RGL1: variants seen among roughly 807,000 people sequenced by gnomAD.
The protein encoded by RGL1 is ral guanine nucleotide dissociation stimulator like 1.
Under a neutral mutation model 95.2 loss-of-function variants are expected in RGL1, and 24 were observed. The ratio of observed to expected loss-of-function variants is 0.25; its 90% confidence interval spans 0.18 to 0.35. The LOEUF (loss-of-function observed/expected upper bound fraction) is 0.35. Among genes scored for constraint, RGL1 ranks in the 10% least tolerant of loss-of-function variants. The pLI, the probability that RGL1 is intolerant of heterozygous loss-of-function variation, is 1.00. For missense variants in RGL1, 715 were observed against 936.3 expected, an observed-to-expected ratio of 0.76 and a Z score of 3.08; for synonymous variants, 329 against 344.9, an observed-to-expected ratio of 0.95 and a Z score of 0.51.
intron 1 of RGL1, among the ~76,000 whole-genome samples, chr1:183,662,135 C>G (rs1651679730): frequency 6.6e-6 from 1 of 151,510 alleles, no homozygotes; most frequent in Non-Finnish European, 1.5e-5. Context: ...GAAGCATTCC[C>G]TTTGAAAACT....
intron 2 of RGL1, among the ~76,000 whole-genome samples, chr1:183,765,510 A>C (rs926956093): frequency 2.0e-5 from 3 of 152,244 alleles, no homozygotes; most frequent in African/African-American, 7.2e-5. Flanking sequence ...AATGTTTCAA[A>C]CAAAAAAGAG....
chr1:183,817,132 TGGAAA>T (rs573480331), intron 2 of RGL1, among the ~76,000 whole-genome samples: 26 of 152,250 alleles, frequency 1.7e-4, no homozygotes, highest in Non-Finnish European at 3.7e-4. Flanking sequence ...GCAGAGGTCC[TGGAAA>T]GTTAACTTTT....
chr1:183,814,289 A>G (rs1661931900), intron 2 of RGL1, among the ~76,000 whole-genome samples: 1 of 152,064 alleles, frequency 6.6e-6, no homozygotes, highest in African/African-American at 2.4e-5. Context: ...ATGTGACTGC[A>G]TATGTTTCCC....
intron 13 of RGL1, 93 bp from the exon 14 acceptor site, chr1:183,906,919 C>A: frequency 2.6e-6 from 2 of 758,310 alleles, no homozygotes; most frequent in Non-Finnish European, 4.7e-6. Flanking sequence ...CAATTAGAGC[C>A]TTCTCTAAAA....
chr1:183,769,727 A>G (rs1485865473), intron 2 of RGL1, among the ~76,000 whole-genome samples: 1 of 152,248 alleles, frequency 6.6e-6, no homozygotes, highest in East Asian at 1.9e-4. Context: ...AGGTAATCTA[A>G]TGAAGGCTGA....
chr1:183,742,372 C>T, intron 2 of RGL1: 1 of 1,525,850 alleles, frequency 6.6e-7, no homozygotes, highest in South Asian at 1.2e-5. Context: ...TAGCCAGCAC[C>T]ACAGGCCAGC....
chr1:183,880,792 A>G lies in RGL1; in HGVS notation c.602A>G (p.Glu201Gly). The change falls in exon 5 of 18, where the codon GAA becomes GGA. Residue 201 changes from glutamate (E) to glycine (G), a missense_variant. Glu to Gly is a moderately conservative substitution (Grantham distance 98). Transcript: ENST00000360851. ...LLEQFQKQEVETDNGLPNTIS... is the reference protein window; with the variant it reads ...LLEQFQKQEVGTDNGLPNTIS... ...GAGCAGTTTCAGAAGCAAGAAGTGG[A>G]AACTGACAGTGAGTACTTGTTTGTT... 1 of 1,613,768 alleles carries G rather than the reference A, an allele frequency of 6.2e-7. No homozygotes were observed. The highest frequency in any genetic ancestry group is 1.3e-5 in the African/African-American group (1 of 75,046).
chr1:183,824,538 A>G (rs747004623), intron 2 of RGL1, among the ~76,000 whole-genome samples: 30 of 152,150 alleles, frequency 2.0e-4, no homozygotes, highest in Non-Finnish European at 4.4e-4. Context: ...TACCCCACCT[A>G]TCAGCAACCA....
At chr1:183,696,498 A>G (rs1173694902) in intron 1 of RGL1, among the ~76,000 whole-genome samples, 1 of 152,316 alleles carries the variant, frequency 6.6e-6, no homozygotes, top group East Asian at 1.9e-4. Context: ...ACATAACCTC[A>G]GTTGACAAAG....
chr1:183,671,045 G>T (rs1247224780), intron 1 of RGL1, among the ~76,000 whole-genome samples: 1 of 152,182 alleles, frequency 6.6e-6, no homozygotes, highest in East Asian at 1.9e-4. Context: ...GGGAAGCAAG[G>T]TACCTTCTTC....
chr1:183,769,970 C>T (rs1659192746), intron 2 of RGL1, among the ~76,000 whole-genome samples: 1 of 152,160 alleles, frequency 6.6e-6, no homozygotes, highest in Non-Finnish European at 1.5e-5. Flanking sequence ...CTCTAGATTG[C>T]AAAGAATATT....
intron 1 of RGL1, among the ~76,000 whole-genome samples, chr1:183,689,915 T>C (rs750217097): frequency 6.6e-6 from 1 of 152,142 alleles, no homozygotes; most frequent in Non-Finnish European, 1.5e-5. Flanking sequence ...CTTTCAGGGG[T>C]TTACCAGTTA....
At chr1:183,710,178 G>A in intron 1 of RGL1, 1 of 231,698 alleles carries the variant, frequency 4.3e-6, no homozygotes, top group Non-Finnish European at 9.0e-6. Context: ...GCTCTCAGCA[G>A]GTGGTCCACT....
chr1:183,886,340 A>G (rs943440540), intron 7 of RGL1, among the ~76,000 whole-genome samples: 2 of 152,194 alleles, frequency 1.3e-5, no homozygotes, highest in African/African-American at 4.8e-5. Context: ...GAGATACAAA[A>G]GAAGTTGTGA....
chr1:183,647,978 A>G, intron 1 of RGL1: 5 of 1,614,234 alleles, frequency 3.1e-6, no homozygotes, highest in African/African-American at 2.7e-5. Context: ...AAAACTGTCC[A>G]GGAAAGGCAT....
intron 2 of RGL1, among the ~76,000 whole-genome samples, chr1:183,834,883 A>T (rs540183365): frequency 1.3e-5 from 2 of 151,574 alleles, no homozygotes; most frequent in Admixed American, 1.3e-4. Flanking sequence ...GGGTCTCACT[A>T]TATTGCCCAG....
At chr1:183,888,638 G>A in intron 8 of RGL1, 61 bp downstream of exon 8, 1 of 987,476 alleles carries the variant, frequency 1.0e-6, no homozygotes, top group Non-Finnish European at 1.6e-6. Context: ...GTTGTGATGA[G>A]TCCTCACCTT....
At chr1:183,755,018 A>C (rs1055346462) in intron 2 of RGL1, 1 of 138,326 alleles carries the variant, frequency 7.2e-6, no homozygotes, top group Admixed American at 7.3e-5. Context: ...TGTTTGTTTT[A>C]GTTATTTGTA....
chr1:183,725,534 T>A (rs1034783886), intron 1 of RGL1, among the ~76,000 whole-genome samples: 2 of 152,132 alleles, frequency 1.3e-5, no homozygotes, highest in African/African-American at 4.8e-5. Context: ...TAAAGCTGTT[T>A]TAGTTATATT....
Sources: gnomAD v4.1 joint callset for allele counts (sites outside exome capture counted in the v4.1 genomes callset) on GRCh38, gnomAD v4.1.1 for gene constraint, MANE v1.5 for transcripts, NCBI Gene and HGNC (gene_info 2026-07-23, HGNC 2026-07-21) for gene names.